Variants in VWC2 observed in about 807,000 individuals in gnomAD.
The protein encoded by VWC2 is brorin.
In VWC2, 14 loss-of-function variants were observed where a neutral mutation model predicts 29.8. The ratio of observed to expected loss-of-function variants is 0.47; its 90% confidence interval spans 0.31 to 0.74. The LOEUF (loss-of-function observed/expected upper bound fraction) is 0.74. Ranked by LOEUF, VWC2 falls within the 30% of genes least tolerant of loss-of-function variation. The probability of loss-of-function intolerance (pLI) is 0.05; values close to 1 mark genes in which losing one functional copy is unlikely to be tolerated. For missense variants in VWC2, 457 were observed against 459.8 expected (o/e 0.99, Z 0.05); for synonymous variants, 213 against 199.0 (o/e 1.07, Z -0.59).
At chr7:49,793,494 T>C (rs1186366644) in intron 2 of VWC2, among the ~76,000 whole-genome samples, 1 of 152,240 alleles carries the variant, frequency 6.6e-6, no homozygotes, top group Non-Finnish European at 1.5e-5. Flanking sequence ...CATGAGCCTG[T>C]ATCTGTAAGC....
At chr7:49,886,434 T>A (rs1288143605) in intron 3 of VWC2, among the ~76,000 whole-genome samples, 1 of 152,220 alleles carries the variant, frequency 6.6e-6, no homozygotes, top group African/African-American at 2.4e-5. Context: ...TACTTTTTAA[T>A]TTTGATTTCA....
In VWC2 at chr7:49,898,310, G is replaced by A. The variant is rs149304293; in HGVS notation, c.827-13724G>A. 3.1e-3 allele frequency among the ~76,000 whole-genome samples: 462 copies of A among 150,604 alleles called. 5 individuals carry two copies. The highest frequency in any genetic ancestry group is 6.9e-3 in the African/African-American group (283 of 41,186). On this transcript the variant is annotated intron_variant, in intron 3 of 3. Transcript: ENST00000340652. ...TTTTAAATCAAGGTAAGAAAACATC[G>A]AAGTTTTTTTTTTTAAAAAAACCTT...
At chr7:49,837,752 T>C (rs1459241566) in intron 3 of VWC2, among the ~76,000 whole-genome samples, 2 of 152,230 alleles carry the variant, frequency 1.3e-5, no homozygotes, top group Non-Finnish European at 2.9e-5. Context: ...AATTTCATTT[T>C]GAATTTTCCA....
In VWC2 at chr7:49,848,094, C is replaced by T. The variant is rs560392165; in HGVS notation, c.826+45254C>T. Among the ~76,000 whole-genome samples the T allele has an allele frequency of 1.5e-4, 23 of 152,292 alleles. No homozygotes were observed. The East Asian group carries it at 4.1e-3, about 27-fold the overall frequency. On this transcript the variant is annotated intron_variant, in intron 3 of 3. Coordinates refer to ENST00000340652, the MANE Select transcript of VWC2 (RefSeq NM_198570.5). ...TCTCAGTCGCTAATTAGATCTGTCT[C>T]TGGGAGAAATGTAACAGGAGTCAGC...
At chr7:49,870,129 G>A (rs1260473851) in intron 3 of VWC2, among the ~76,000 whole-genome samples, 4 of 152,112 alleles carry the variant, frequency 2.6e-5, no homozygotes, top group South Asian at 2.1e-4. Flanking sequence ...CGCTGGGTGC[G>A]GTGGCTCATA....
rs1004710004 is a variant in VWC2, at chr7:49,920,456, T to TAAAAC, written c.*8285_*8289dup. On this transcript the variant is annotated 3_prime_UTR_variant, in exon 4 of 4. Coordinates refer to ENST00000340652, the MANE Select transcript of VWC2 (RefSeq NM_198570.5). Reference sequence around the variant, plus strand: ...ATATAAATATAAGCAAGGGTCTGATTAAAACAAAACAAAACAAACAAAAGA... The same window carrying TAAAAC: ...ATATAAATATAAGCAAGGGTCTGATTAAAACAAAACAAAACAAAACAAACAAAAGA... The TAAAAC allele has an allele frequency of 1.3e-5, 2 of 152,150 alleles. No homozygotes were observed. The highest frequency in any genetic ancestry group is 2.9e-5 in the Non-Finnish European group (2 of 68,028). The allele number at this position is 152,150 out of a possible 1,614,324, so 9.4% of individuals were successfully genotyped here.
intron 2 of VWC2, among the ~76,000 whole-genome samples, chr7:49,777,724 G>C (rs182747019): frequency 6.6e-6 from 1 of 152,126 alleles, no homozygotes; most frequent in Non-Finnish European, 1.5e-5. Flanking sequence ...TCCTGCCTAC[G>C]GGAGGGTCTG....
At chr7:49,805,275 A>G (rs530068024) in intron 3 of VWC2, among the ~76,000 whole-genome samples, 2 of 152,320 alleles carry the variant, frequency 1.3e-5, no homozygotes, top group East Asian at 3.9e-4. Context: ...ATGGGATGGA[A>G]TAAGGCAAGA....
Position 49,823,418 on chromosome 7 carries a change from T to C in VWC2, c.826+20578T>C, listed in dbSNP as rs560371123. 2.0e-5 allele frequency among the ~76,000 whole-genome samples: 3 copies of C among 152,292 alleles called. No homozygotes were observed. In the East Asian group the frequency reaches 5.8e-4, roughly 29 times the overall value. ...GATGTTGGACTCTGCAGAGAAAGGC[T>C]TCAAAGTAGCTATTAGGGTATGTTT... On this transcript the variant is annotated intron_variant, in intron 3 of 3. Coordinates refer to ENST00000340652, the MANE Select transcript of VWC2 (RefSeq NM_198570.5).
In VWC2 at chr7:49,917,884, A is replaced by G. The variant is rs1341795152; in HGVS notation, c.*5699A>G. 1 of 152,066 alleles carries G rather than the reference A, an allele frequency of 6.6e-6. No homozygotes were observed. The highest frequency in any genetic ancestry group is 1.9e-4 in the East Asian group (1 of 5,194). 9.4% of individuals were successfully genotyped at this position (152,066 alleles called of 1,614,324 possible). ...CCATTCCCTTTACTTTTATATTTAC[A>G]TTGTCAAATAAATACAATTCTATTT... On this transcript the variant is annotated 3_prime_UTR_variant, in exon 4 of 4. Transcript: ENST00000340652.
At chr7:49,876,748 AC>A (rs1234111318) in intron 3 of VWC2, among the ~76,000 whole-genome samples, 2 of 152,094 alleles carry the variant, frequency 1.3e-5, no homozygotes, top group African/African-American at 4.8e-5. Context: ...ACCTGTCAAC[AC>A]AGTTTTATTT....
At chr7:49,848,461 C>T (rs1790046567) in intron 3 of VWC2, among the ~76,000 whole-genome samples, 1 of 152,256 alleles carries the variant, frequency 6.6e-6, no homozygotes, top group Non-Finnish European at 1.5e-5. Flanking sequence ...CTGTTTCCAG[C>T]CCACCTGCCC....
intron 3 of VWC2, among the ~76,000 whole-genome samples, chr7:49,823,819 G>A (rs926577564): frequency 5.3e-5 from 8 of 152,152 alleles, no homozygotes; most frequent in African/African-American, 1.7e-4. Flanking sequence ...GAGGTCTAGT[G>A]CACCTTAATA....
chr7:49,833,086 C>T (rs996169291), intron 3 of VWC2, among the ~76,000 whole-genome samples: 11 of 152,130 alleles, frequency 7.2e-5, no homozygotes, highest in African/African-American at 1.2e-4. Context: ...GCTAATAAGA[C>T]GTGCTGATGC....
chr7:49,910,371 CA>C (rs1562769488), intron 3 of VWC2, among the ~76,000 whole-genome samples: 1 of 152,152 alleles, frequency 6.6e-6, no homozygotes, highest in Non-Finnish European at 1.5e-5. Context: ...GATGACTTCA[CA>C]CGCTATAATT....
chr7:49,830,739 A>G (rs936495209), intron 3 of VWC2, among the ~76,000 whole-genome samples: 4 of 151,784 alleles, frequency 2.6e-5, no homozygotes, highest in African/African-American at 4.9e-5. Context: ...TCATTGTTCA[A>G]TTCCCACCTA....
intron 2 of VWC2, among the ~76,000 whole-genome samples, chr7:49,793,550 G>A (rs1435460673): frequency 2.6e-5 from 4 of 151,942 alleles, no homozygotes; most frequent in African/African-American, 9.7e-5. Flanking sequence ...ATTGATAGAA[G>A]CAACATAATA....
chr7:49,799,521 A>G (rs532580586), intron 2 of VWC2, among the ~76,000 whole-genome samples: 1 of 152,334 alleles, frequency 6.6e-6, no homozygotes, highest in African/African-American at 2.4e-5. Context: ...GGCAGGCCCA[A>G]ACCTGGGATG....
intron 2 of VWC2, among the ~76,000 whole-genome samples, chr7:49,789,922 C>G (rs1031296342): frequency 6.6e-6 from 1 of 152,360 alleles, no homozygotes; most frequent in Non-Finnish European, 1.5e-5. Flanking sequence ...GGGGGCCCTA[C>G]GGCCCCTTGG....
Sources: gnomAD v4.1 joint callset for allele counts (sites outside exome capture counted in the v4.1 genomes callset) on GRCh38, gnomAD v4.1.1 for gene constraint, MANE v1.5 for transcripts, NCBI Gene and HGNC (gene_info 2026-07-23, HGNC 2026-07-21) for gene names.